The following NPR1 variants were observed in gnomAD, a reference collection of about 807,000 sequenced individuals.
The protein encoded by NPR1 is natriuretic peptide receptor 1, also known as atrial natriuretic peptide receptor 1.
Under a neutral mutation model 116.9 loss-of-function variants are expected in NPR1, and 57 were observed. The observed-to-expected ratio is 0.49, with a 90% confidence interval of 0.39 to 0.61. NPR1 has a LOEUF of 0.61. NPR1 is among the 20% of genes least tolerant of loss of function. NPR1 has a pLI of 0.00. For synonymous variants in NPR1, 555 were observed against 601.6 expected, an observed-to-expected ratio of 0.92 and a Z score of 1.13; for missense variants, 1,096 against 1,409.8, an observed-to-expected ratio of 0.78 and a Z score of 3.56.
At chr1:153,684,228 G>T (rs1425975135) in intron 7 of NPR1, among the ~76,000 whole-genome samples, 1 of 152,056 alleles carries the variant, frequency 6.6e-6, no homozygotes, top group Non-Finnish European at 1.5e-5. Context: ...ATGGAGAAGG[G>T]AGCTGAATGA....
intron 2 of NPR1, 114 bp from the exon 3 acceptor site, chr1:153,681,066 C>T: frequency 1.4e-6 from 1 of 699,370 alleles, no homozygotes; most frequent in South Asian, 1.7e-5. Context: ...CCAGTTTGAC[C>T]TTGAGCTAAG....
Position 153,686,696 on chromosome 1 carries a change from C to A in NPR1, c.1809C>A (p.Thr603=), listed in dbSNP as rs547491964. The A allele has an allele frequency of 6.2e-7, 1 of 1,613,814 alleles. No homozygotes were observed. Among genetic ancestry groups the A allele is most frequent in the Non-Finnish European group, 8.5e-7 (1 of 1,179,884 alleles). ...EHLTRFVGAC[T]DPPNICILTE... ...TGACCAGGTTTGTGGGAGCCTGCAC[C>A]GACCCCCCCAATATCTGCATCCTCA... The change falls in exon 11 of 22, where the codon ACC becomes ACA. Residue 603 remains threonine (T), a synonymous_variant. Coordinates refer to ENST00000368680, the MANE Select transcript of NPR1 (RefSeq NM_000906.4).
chr1:153,686,723 A>G lies in NPR1; in HGVS notation c.1836A>G (p.Thr612=), dbSNP rs559522083. The G allele has an allele frequency of 1.9e-6, 3 of 1,613,980 alleles. No homozygotes were observed. The highest frequency in any genetic ancestry group is 4.5e-5 in the East Asian group (2 of 44,880). Residue 612 remains threonine, a synonymous_variant, in exon 11 of 22, where the codon ACA becomes ACG. Coordinates refer to ENST00000368680, the MANE Select transcript of NPR1 (RefSeq NM_000906.4). ...ACCCCCCCAATATCTGCATCCTCAC[A>G]GAGTACTGTCCCCGTGGGAGCCTGC... is the stretch of plus-strand genomic sequence containing the variant. The part of the protein sequence containing the change: ...CTDPPNICIL[T]EYCPRGSLQD...
rs754635779 is a variant in NPR1 at position 153,689,411 on chromosome 1, G to T, written c.2689-42G>T. ...CTTTACCCACCTGACCCCAGGTGGGGTCCCCTACTTCCTGTCTCTCTTAGC... is the reference window on the plus strand; with the variant it reads ...CTTTACCCACCTGACCCCAGGTGGGTTCCCCTACTTCCTGTCTCTCTTAGC... On this transcript the variant is annotated intron_variant, in intron 17 of 21. Coordinates refer to ENST00000368680, the MANE Select transcript of NPR1 (RefSeq NM_000906.4). This position sits in a 1 kb window ranked among gnomAD's most constrained non-coding sequence, Gnocchi z 5.1. 3.1e-6 allele frequency: 5 copies of T among 1,612,736 alleles called. No individual in the cohort carries two copies. In the South Asian group the frequency reaches 5.5e-5, roughly 18 times the overall value.
intron 10 of NPR1, 79 bp from the exon 11 acceptor site, chr1:153,686,567 T>A: frequency 8.9e-7 from 1 of 1,127,512 alleles, no homozygotes; most frequent in Non-Finnish European, 1.3e-6. Flanking sequence ...TTAAGAAGAG[T>A]GAGGGTCCCT....
rs1571343280 is a variant in NPR1, at chr1:153,679,193, G to A, written c.85G>A (p.Gly29Ser). 1 of 1,512,918 alleles carries A rather than the reference G, an allele frequency of 6.6e-7. No individual in the cohort carries two copies. The highest frequency in any genetic ancestry group is 1.4e-5 in the African/African-American group (1 of 69,294). The allele number at this position is 1,512,918 out of a possible 1,614,324, so 93.7% of individuals were successfully genotyped here. Residue 29 changes from glycine to serine, a missense_variant, in exon 1 of 22, where the codon GGC (glycine) becomes AGC (serine). Coordinates refer to ENST00000368680, the MANE Select transcript of NPR1 (RefSeq NM_000906.4). The surrounding 1 kb of genome is among the most constrained non-coding windows in gnomAD (Gnocchi z 4.2). The part of the protein sequence containing the change: ...LLPPLLLLLR[G>S]SHAGNLTVAV... ...GCCGCCGCTGCTGCTGCTGCTCCGGGGCAGCCACGCGGGCAACCTGACGGT... is the reference window on the plus strand; with the variant it reads ...GCCGCCGCTGCTGCTGCTGCTCCGGAGCAGCCACGCGGGCAACCTGACGGT...
chr1:153,679,282 C>G lies in NPR1; in HGVS notation c.174C>G (p.Ala58=). ...GGTCGTGGGCGCGCGTGGGACCCGC[C>G]GTGGAGCTGGCCCTGGCCCAGGTGA... The part of the protein sequence containing the change: ...YPWSWARVGP[A]VELALAQVKA... Residue 58 remains alanine (A), a synonymous_variant, in exon 1 of 22, where the codon GCC becomes GCG. Coordinates refer to ENST00000368680, the MANE Select transcript of NPR1 (RefSeq NM_000906.4). The surrounding 1 kb of genome is among the most constrained non-coding windows in gnomAD (Gnocchi z 4.2). The G allele has an allele frequency of 1.3e-6, 2 of 1,529,450 alleles. No homozygotes were observed. Among genetic ancestry groups the G allele is most frequent in the Non-Finnish European group, 1.7e-6 (2 of 1,143,620 alleles). The allele number at this position is 1,529,450 out of a possible 1,614,324, so 94.7% of individuals were successfully genotyped here.
chr1:153,681,639 C>T, intron 3 of NPR1, 65 bp from the exon 4 acceptor site: 1 of 1,568,584 alleles, frequency 6.4e-7, no homozygotes, highest in East Asian at 2.3e-5. Flanking sequence ...TGTTCCCTTC[C>T]CCACAGCTCC....
Position 153,688,040 on chromosome 1 carries a change from C to A in NPR1, c.2249-13C>A. 1 of 1,486,274 alleles carries A rather than the reference C, an allele frequency of 6.7e-7. No individual in the cohort carries two copies. Among genetic ancestry groups the A allele is most frequent in the Non-Finnish European group, 9.0e-7 (1 of 1,112,788 alleles). 92.1% of individuals were successfully genotyped at this position (1,486,274 alleles called of 1,614,324 possible). On this transcript the variant is annotated splice_polypyrimidine_tract_variant and intron_variant, in intron 14 of 21. Transcript: ENST00000368680. ...CAGCCCCACCCCTCAGCTCCTCTACCCCCCCAATACAGAGATCATCGAGCG... is the reference window on the plus strand; with the variant it reads ...CAGCCCCACCCCTCAGCTCCTCTACACCCCCAATACAGAGATCATCGAGCG...
chr1:153,682,532 C>A lies in NPR1; in HGVS notation c.1206C>A (p.Gly402=), dbSNP rs370485762. ...VTGYLKIDSS[G]DRETDFSLWD... is the part of the protein sequence containing the mutation. ...GATACCTGAAAATTGATAGCAGTGGCGATCGGGAAACAGACTTCTCCCTCT... is the reference window on the plus strand; with the variant it reads ...GATACCTGAAAATTGATAGCAGTGGAGATCGGGAAACAGACTTCTCCCTCT... The change falls in exon 5 of 22, where the codon GGC becomes GGA. Residue 402 remains glycine (G), a synonymous_variant. Coordinates refer to ENST00000368680, the MANE Select transcript of NPR1 (RefSeq NM_000906.4). 8.1e-6 allele frequency: 13 copies of A among 1,614,004 alleles called. No homozygotes were observed. Among genetic ancestry groups the A allele is most frequent in the Non-Finnish European group, 1.0e-5 (12 of 1,179,898 alleles).
intron 3 of NPR1, 61 bp from the exon 4 acceptor site, chr1:153,681,643 C>G: frequency 6.3e-7 from 1 of 1,577,120 alleles, no homozygotes; most frequent in South Asian, 1.1e-5. Flanking sequence ...CCCTTCCCCA[C>G]AGCTCCCACC....
At chr1:153,684,294 T>C (rs1026930176) in intron 7 of NPR1, among the ~76,000 whole-genome samples, 7 of 151,524 alleles carry the variant, frequency 4.6e-5, no homozygotes, top group African/African-American at 1.7e-4. Flanking sequence ...GAGTTAATGA[T>C]ATACAAAAGC....
At chr1:153,681,128 C>T in intron 2 of NPR1, 52 bp from the exon 3 acceptor site, 1 of 1,163,352 alleles carries the variant, frequency 8.6e-7, no homozygotes, top group African/African-American at 1.5e-5. Context: ...CCCCACAGTA[C>T]TAGGGAATAG....
chr1:153,683,984 A>G (rs1328828279), intron 7 of NPR1, among the ~76,000 whole-genome samples, 160 bp downstream of exon 7: 1 of 152,148 alleles, frequency 6.6e-6, no homozygotes, highest in Non-Finnish European at 1.5e-5. Context: ...CCAGAGGAGA[A>G]AGAAAGAGAA....
chr1:153,683,352 G>A (rs61757354), intron 5 of NPR1, 24 bp from the exon 6 acceptor site: 1 of 1,610,408 alleles, frequency 6.2e-7, no homozygotes, highest in Non-Finnish European at 8.5e-7. Flanking sequence ...CCCTGGCCTA[G>A]CCACCACTCC....
rs183474945 is a variant in NPR1 at position 153,680,798 on chromosome 1, G to A, written c.921+98G>A. The A allele has an allele frequency of 9.1e-6, 9 of 992,034 alleles. No homozygotes were observed. In the East Asian group the frequency reaches 2.3e-4, roughly 26 times the overall value. The allele number at this position is 992,034 out of a possible 1,614,324, so 61.5% of individuals were successfully genotyped here. A position where few individuals can be genotyped will look rare whatever the true frequency, so the allele number is the denominator to read the frequency against. On this transcript the variant is annotated intron_variant, in intron 2 of 21. Coordinates refer to ENST00000368680, the MANE Select transcript of NPR1 (RefSeq NM_000906.4). ...CGTCTGAAAGAATTCCAGAAAAGAGGTTTTTGTCTGTTTGTTTCTTTATGC... is the reference window on the plus strand; with the variant it reads ...CGTCTGAAAGAATTCCAGAAAAGAGATTTTTGTCTGTTTGTTTCTTTATGC...
intron 4 of NPR1, among the ~76,000 whole-genome samples, chr1:153,682,049 C>CTTTTTCT (rs1246492213): frequency 2.1e-4 from 32 of 151,418 alleles, no homozygotes; most frequent in Admixed American, 1.2e-3. Flanking sequence ...TTTTACCTTT[C>CTTTTTCT]TTTTTCTTTT....
Position 153,680,701 on chromosome 1 carries a change from G to A in NPR1, c.921+1G>A. 1 of 1,611,736 alleles carries A rather than the reference G, an allele frequency of 6.2e-7. No individual in the cohort carries two copies. The highest frequency in any genetic ancestry group is 1.1e-5 in the South Asian group (1 of 91,008). ...TGTCAGTGCCCGCCAGGCCTTTCAG[G>A]TGAGTACCTAGGTTTGAAGCCCAGG... On this transcript the variant is annotated splice_donor_variant, in intron 2 of 21. Transcript: ENST00000368680. LOFTEE classifies it high-confidence loss of function.
intron 20 of NPR1, among the ~76,000 whole-genome samples, chr1:153,691,853 TGCAC>T (rs1330598891): frequency 6.7e-6 from 1 of 149,170 alleles, no homozygotes; most frequent in Non-Finnish European, 1.5e-5. Context: ...GAGCCGAGAC[TGCAC>T]CCCTGGGCAA....
Sources: allele counts gnomAD v4.1 joint callset (sites outside exome capture counted in the v4.1 genomes callset), GRCh38; gene constraint gnomAD v4.1.1; non-coding constraint Gnocchi (gnomAD v3.1); transcripts MANE v1.5; gene names NCBI Gene and HGNC (gene_info 2026-07-23, HGNC 2026-07-21).